Variants in TRERF1 observed in about 807,000 individuals in gnomAD.
The protein encoded by TRERF1 is transcriptional regulating factor 1, also known as transcriptional-regulating factor 1.
A neutral mutation model predicts 122.9 loss-of-function variants in TRERF1; 27 were observed. That is an observed-to-expected ratio of 0.22 (90% CI 0.16 to 0.30). The LOEUF (loss-of-function observed/expected upper bound fraction) is 0.30. TRERF1 is among the 10% of genes least tolerant of loss of function. The pLI is 1.00. For missense variants in TRERF1, 1,248 were observed against 1,560.3 expected (o/e 0.80, Z 3.37); for synonymous variants, 636 against 641.7 (o/e 0.99, Z 0.13).
chr6:42,360,058 C>T (rs542532440), intron 3 of TRERF1, among the ~76,000 whole-genome samples: 7 of 152,160 alleles, frequency 4.6e-5, no homozygotes, highest in South Asian at 4.2e-4. Flanking sequence ...ATATTTGTTA[C>T]GAAGAGAATT....
chr6:42,350,728 G>A (rs1178858065), intron 3 of TRERF1, among the ~76,000 whole-genome samples: 1 of 152,120 alleles, frequency 6.6e-6, no homozygotes, highest in Non-Finnish European at 1.5e-5. Context: ...TTAATCTCAG[G>A]AGTACTGTTA....
chr6:42,375,906 C>T (rs376609012), intron 2 of TRERF1, among the ~76,000 whole-genome samples: 2 of 152,078 alleles, frequency 1.3e-5, no homozygotes, highest in African/African-American at 4.8e-5. Context: ...TCAAATGGGG[C>T]CCCCTTGATT....
chr6:42,277,081 C>T (rs1781269591), intron 4 of TRERF1, among the ~76,000 whole-genome samples: 1 of 152,180 alleles, frequency 6.6e-6, no homozygotes, highest in African/African-American at 2.4e-5. Flanking sequence ...CCCCCTGTGA[C>T]TACCATATGC....
In TRERF1 at chr6:42,228,744, G is replaced by T. The variant is rs533958690; in HGVS notation, c.3279-75C>A. ...TCTTGGAAATCCAGGTGTCCTACGG[G>T]GAATGGGGGTGTGTGGTCTGACAAA... On this transcript the variant is annotated intron_variant, in intron 17 of 17. Coordinates refer to ENST00000372922, the Ensembl canonical transcript of TRERF1. This position sits in a 1 kb window ranked among gnomAD's most constrained non-coding sequence, Gnocchi z 4.2. 9 of 1,438,974 alleles carry T rather than the reference G, an allele frequency of 6.3e-6. No homozygotes were observed. The African/African-American group carries it at 1.3e-4, about 20-fold the overall frequency. The allele number at this position is 1,438,974 out of a possible 1,614,324, so 89.1% of individuals were successfully genotyped here. A position where few individuals can be genotyped will look rare whatever the true frequency, so the allele number is the denominator to read the frequency against.
intron 2 of TRERF1, among the ~76,000 whole-genome samples, chr6:42,400,013 T>C (rs1779163125): frequency 6.6e-6 from 1 of 152,180 alleles, no homozygotes; most frequent in Admixed American, 6.5e-5. Flanking sequence ...CAGGAGTCAC[T>C]GTGAGACTGT....
intron 4 of TRERF1, among the ~76,000 whole-genome samples, chr6:42,282,568 C>A (rs530719585): frequency 1.3e-5 from 2 of 151,866 alleles, no homozygotes; most frequent in East Asian, 3.9e-4. Context: ...ACAAACAAAC[C>A]GAACCAAAAC....
chr6:42,388,476 C>T (rs1174221428), intron 2 of TRERF1, among the ~76,000 whole-genome samples: 2 of 152,104 alleles, frequency 1.3e-5, no homozygotes, highest in African/African-American at 4.8e-5. Context: ...CAAGTTGGTA[C>T]AGCTGCCATA....
intron 4 of TRERF1, among the ~76,000 whole-genome samples, chr6:42,282,685 G>C (rs1367465465): frequency 6.6e-6 from 1 of 152,208 alleles, no homozygotes; most frequent in Non-Finnish European, 1.5e-5. Flanking sequence ...TGTTCAGTAT[G>C]CTCTCTTTTG....
rs114803815 is a variant in TRERF1 at position 42,269,386 on chromosome 6, C to T, written c.205G>A (p.Val69Ile). The stretch of plus-strand genomic sequence containing the variant: ...ATTTGGCCAAGGTTTTTGGAGCCAA[C>T]AGGCAAGCCCAGACCATCCCGTGTA... The change falls in exon 5 of 18, where the codon GTT becomes ATT. Residue 69 changes from valine (V) to isoleucine (I), a missense_variant. By Grantham distance (29) the Val-to-Ile change is conservative (BLOSUM62 3). Coordinates refer to ENST00000372922, the Ensembl canonical transcript of TRERF1. This position sits in a 1 kb window ranked among gnomAD's most constrained non-coding sequence, Gnocchi z 4.9. The T allele has an allele frequency of 7.1e-4, 1,140 of 1,614,186 alleles. 4 individuals are homozygous for T. In the African/African-American group the frequency reaches 0.014, roughly 20 times the overall value.
chr6:42,358,115 C>T (rs988467074), intron 3 of TRERF1, among the ~76,000 whole-genome samples: 3 of 152,136 alleles, frequency 2.0e-5, no homozygotes, highest in African/African-American at 7.2e-5. Context: ...CACACCCTTT[C>T]CCACCTACAG....
chr6:42,301,505 G>A (rs1310398261), intron 3 of TRERF1, among the ~76,000 whole-genome samples: 2 of 152,208 alleles, frequency 1.3e-5, no homozygotes, highest in African/African-American at 4.8e-5. Flanking sequence ...TGGGACTACA[G>A]GCGTGGGCCA....
At chr6:42,246,340 G>T in intron 14 of TRERF1, 116 bp downstream of exon 14, 2 of 823,680 alleles carry the variant, frequency 2.4e-6, no homozygotes, top group Non-Finnish European at 4.0e-6. Context: ...ACCAGCGAGT[G>T]TGGAAGACAT....
rs1216940593 is a variant in TRERF1, at chr6:42,263,378, G to A, written c.1826C>T (p.Ala609Val). ...GGCTGGCTTGTCTCTGGCGGAGGGG[G>A]CGGCAACGGTGCTGTTGGTGAACCC... Residue 609 changes from alanine to valine, a missense_variant, in exon 8 of 18, where the codon GCC (alanine) becomes GTC (valine). Coordinates refer to ENST00000372922, the Ensembl canonical transcript of TRERF1. The surrounding 1 kb of genome is among the most constrained non-coding windows in gnomAD (Gnocchi z 5.6). The A allele has an allele frequency of 1.9e-6, 3 of 1,612,988 alleles. No individual in the cohort carries two copies. The South Asian group carries it at 3.3e-5, about 18-fold the overall frequency.
chr6:42,342,186 G>A (rs1048766974), intron 3 of TRERF1, among the ~76,000 whole-genome samples: 2 of 152,190 alleles, frequency 1.3e-5, no homozygotes, highest in African/African-American at 4.8e-5. Flanking sequence ...AGCCCAACAC[G>A]CAGTTGCTGA....
At chr6:42,380,980 ACAT>A (rs1562101473) in intron 2 of TRERF1, among the ~76,000 whole-genome samples, 1 of 152,216 alleles carries the variant, frequency 6.6e-6, no homozygotes, top group East Asian at 1.9e-4. Context: ...TTTGTATCAC[ACAT>A]CATCAAACTG....
intron 3 of TRERF1, among the ~76,000 whole-genome samples, chr6:42,354,161 T>C (rs1380963691): frequency 6.6e-6 from 1 of 152,160 alleles, no homozygotes; most frequent in Non-Finnish European, 1.5e-5. Context: ...ATTGTGTCAG[T>C]GCTTGGGGGA....
intron 3 of TRERF1, among the ~76,000 whole-genome samples, chr6:42,360,553 A>G (rs904706074): frequency 1.3e-5 from 2 of 152,042 alleles, no homozygotes; most frequent in Admixed American, 1.3e-4. Context: ...ATTATCCCCA[A>G]TGACTGGTCC....
Position 42,441,967 on chromosome 6 carries a change from G to A in TRERF1, c.-454+9210C>T, listed in dbSNP as rs545521782. 2.0e-4 allele frequency among the ~76,000 whole-genome samples: 30 copies of A among 152,256 alleles called. 1 individual carries two copies. The highest frequency in any genetic ancestry group is 1.0e-3 in the Admixed American group (16 of 15,300). ...AAAGACTTAAGGAATGAGCGTTTGC[G>A]AGGTTTGAATTCCATACTGCCTTCT... On this transcript the variant is annotated intron_variant, in intron 2 of 17. Coordinates refer to ENST00000372922, the Ensembl canonical transcript of TRERF1.
At chr6:42,335,569 A>G (rs1224111675) in intron 3 of TRERF1, among the ~76,000 whole-genome samples, 1 of 152,178 alleles carries the variant, frequency 6.6e-6, no homozygotes, top group Non-Finnish European at 1.5e-5. Flanking sequence ...GTGCTTCCAC[A>G]TGGTTCTGGA....
Sources: allele counts gnomAD v4.1 joint callset (sites outside exome capture counted in the v4.1 genomes callset), GRCh38; gene constraint gnomAD v4.1.1; non-coding constraint Gnocchi (gnomAD v3.1); transcripts MANE v1.5; gene names NCBI Gene and HGNC (gene_info 2026-07-23, HGNC 2026-07-21).